The following COMMD1 variants were observed in gnomAD, a reference collection of about 807,000 sequenced individuals.
COMMD1 encodes COMM domain-containing protein 1.
Under a neutral mutation model 17.2 loss-of-function variants are expected in COMMD1, and 10 were observed. The observed-to-expected ratio is 0.58, with a 90% CI of 0.36 to 0.99. The LOEUF (loss-of-function observed/expected upper bound fraction) is 0.99, where lower values mean the gene tolerates loss of function less well. Ranked by LOEUF, COMMD1 falls within the 50% of genes least tolerant of loss-of-function variation. COMMD1 has a pLI of 0.01. For synonymous variants in COMMD1, 97 were observed against 91.6 expected, an observed-to-expected ratio of 1.06 and a Z score of -0.34; for missense variants, 270 against 231.8, an observed-to-expected ratio of 1.17 and a Z score of -1.07.
At chr2:62,131,459 C>G (rs762824358) in intron 2 of COMMD1, among the ~76,000 whole-genome samples, 1 of 152,198 alleles carries the variant, frequency 6.6e-6, no homozygotes. Context: ...GCTCTTGTAC[C>G]TTCTGCCTCT....
At chr2:62,048,322 A>T (rs1046988113) in intron 2 of COMMD1, among the ~76,000 whole-genome samples, 2 of 151,432 alleles carry the variant, frequency 1.3e-5, no homozygotes, top group African/African-American at 4.9e-5. Context: ...AGCTGGGACT[A>T]TAGGCGCCCG....
At chr2:61,986,564 C>CTT (rs70946773) in intron 1 of COMMD1, among the ~76,000 whole-genome samples, 210 of 94,542 alleles carry the variant, frequency 2.2e-3, no homozygotes, top group Non-Finnish European at 2.7e-3. Context: ...AGGCATCATT[C>CTT]TTTTTTTTTT....
At chr2:62,037,970 T>C (rs1670083690) in intron 2 of COMMD1, among the ~76,000 whole-genome samples, 1 of 152,056 alleles carries the variant, frequency 6.6e-6, no homozygotes, top group South Asian at 2.1e-4. Flanking sequence ...CCTCACAGAG[T>C]TGTCCTTGGA....
At chr2:62,063,344 C>T (rs1387386361) in intron 2 of COMMD1, among the ~76,000 whole-genome samples, 1 of 152,142 alleles carries the variant, frequency 6.6e-6, no homozygotes, top group Non-Finnish European at 1.5e-5. Context: ...GCATGTGCCA[C>T]CACGCCCGGC....
intron 1 of COMMD1, among the ~76,000 whole-genome samples, chr2:61,909,087 C>G (rs1239609178): frequency 2.0e-5 from 3 of 152,018 alleles, no homozygotes; most frequent in African/African-American, 7.3e-5. Flanking sequence ...CACCACCACA[C>G]CAGGCTAATT....
At chr2:62,028,205 G>C (rs974990991) in intron 2 of COMMD1, among the ~76,000 whole-genome samples, 6 of 152,124 alleles carry the variant, frequency 3.9e-5, no homozygotes, top group African/African-American at 1.4e-4. Context: ...GCAGAGGACA[G>C]GTTGTCAGCA....
chr2:61,978,162 T>C (rs944401989), intron 1 of COMMD1, among the ~76,000 whole-genome samples: 8 of 152,140 alleles, frequency 5.3e-5, no homozygotes, highest in Non-Finnish European at 1.0e-4. Flanking sequence ...TTTGAAAGTA[T>C]ATTTATTGCT....
chr2:62,097,376 A>G (rs891356598), intron 2 of COMMD1, among the ~76,000 whole-genome samples: 1 of 152,146 alleles, frequency 6.6e-6, no homozygotes, highest in Admixed American at 6.6e-5. Context: ...GGTTGGCTCT[A>G]TAGGGACTGC....
At chr2:61,970,239 G>T (rs1247750931) in intron 1 of COMMD1, among the ~76,000 whole-genome samples, 4 of 149,118 alleles carry the variant, frequency 2.7e-5, no homozygotes. Flanking sequence ...TCCAGCCTGG[G>T]CAACAAGAGG....
At chr2:61,978,434 G>GT (rs397972703) in intron 1 of COMMD1, among the ~76,000 whole-genome samples, 6 of 152,234 alleles carry the variant, frequency 3.9e-5, no homozygotes, top group East Asian at 1.9e-4. Flanking sequence ...TAATATCAAG[G>GT]TTTTTTCCTT....
At chr2:62,109,513 T>C (rs1455632504) in intron 2 of COMMD1, among the ~76,000 whole-genome samples, 2 of 152,250 alleles carry the variant, frequency 1.3e-5, no homozygotes, top group African/African-American at 4.8e-5. Context: ...TATATCGTCT[T>C]CTTAAAACTT....
At chr2:62,056,824 G>T (rs1196929359) in intron 2 of COMMD1, among the ~76,000 whole-genome samples, 1 of 152,176 alleles carries the variant, frequency 6.6e-6, no homozygotes, top group Non-Finnish European at 1.5e-5. Context: ...GCTAGAAGAG[G>T]ATTAACTGCT....
intron 2 of COMMD1, among the ~76,000 whole-genome samples, chr2:62,108,931 G>T (rs976997002): frequency 6.6e-6 from 1 of 152,198 alleles, no homozygotes; most frequent in African/African-American, 2.4e-5. Flanking sequence ...TAACAGGCTA[G>T]AGCTGAGAAG....
intron 2 of COMMD1, among the ~76,000 whole-genome samples, chr2:62,119,959 T>A (rs1672700033): frequency 6.6e-6 from 1 of 152,204 alleles, no homozygotes; most frequent in African/African-American, 2.4e-5. Context: ...CAACTCTGGA[T>A]GACTTTGTTT....
intron 1 of COMMD1, among the ~76,000 whole-genome samples, chr2:61,958,508 C>T (rs1671254326): frequency 1.3e-5 from 2 of 152,244 alleles, no homozygotes; most frequent in African/African-American, 4.8e-5. Context: ...CTCAAATGAT[C>T]CACCCGCCTT....
chr2:61,995,369 C>T (rs1668726580), intron 1 of COMMD1, among the ~76,000 whole-genome samples: 1 of 152,228 alleles, frequency 6.6e-6, no homozygotes, highest in Non-Finnish European at 1.5e-5. Flanking sequence ...TGGCTCCAGA[C>T]TGCCTTCTCA....
intron 1 of COMMD1, among the ~76,000 whole-genome samples, chr2:61,951,062 A>G (rs1671039377): frequency 6.6e-6 from 1 of 152,166 alleles, no homozygotes; most frequent in Non-Finnish European, 1.5e-5. Context: ...GCCAATGGCA[A>G]TGGGCAGACT....
chr2:62,009,950 GA>G (rs1467618975), intron 2 of COMMD1, among the ~76,000 whole-genome samples: 1 of 151,998 alleles, frequency 6.6e-6, no homozygotes, highest in African/African-American at 2.4e-5. Flanking sequence ...TTTTAGTTTT[GA>G]AAACATTAAA....
At chr2:61,966,743 A>C (rs1004090709) in intron 1 of COMMD1, among the ~76,000 whole-genome samples, 4 of 151,970 alleles carry the variant, frequency 2.6e-5, no homozygotes, top group Non-Finnish European at 4.4e-5. Context: ...GGTATTTTCA[A>C]ATTGTTAAAT....
Sources: gnomAD v4.1 joint callset for allele counts (sites outside exome capture counted in the v4.1 genomes callset) on GRCh38, gnomAD v4.1.1 for gene constraint, MANE v1.5 for transcripts, NCBI Gene and HGNC (gene_info 2026-07-23, HGNC 2026-07-21) for gene names.